Variants in C2orf42 observed in about 807,000 individuals in gnomAD.
The protein encoded by C2orf42 is uncharacterized protein C2orf42.
A neutral mutation model predicts 58.9 loss-of-function variants in C2orf42; 44 were observed. That is an observed-to-expected ratio of 0.75 (90% CI 0.59 to 0.96). C2orf42 has a LOEUF of 0.96. C2orf42 is among the 40% of genes least tolerant of loss of function. The probability of loss-of-function intolerance (pLI) is 0.00; values close to 1 mark genes in which losing one functional copy is unlikely to be tolerated. For synonymous variants in C2orf42, 239 were observed against 265.4 expected (o/e 0.90, Z 0.97); for missense variants, 630 against 699.2 (o/e 0.90, Z 1.12).
In C2orf42 at chr2:70,180,607, CAAAAAAA is replaced by C. The variant is rs59381817; in HGVS notation, c.823+549_823+555del. On this transcript the variant is annotated intron_variant, in intron 3 of 9. Transcript: ENST00000264434. ...TTTGTGATGGAGCAAGATTCTGTCT[CAAAAAAA>C]AAAAAAAAAAAAAAAAATCAAGAGA... Among the ~76,000 whole-genome samples the C allele has an allele frequency of 3.0e-3, 173 of 57,084 alleles. 1 individual carries two copies. Among genetic ancestry groups the C allele is most frequent in the African/African-American group, 0.011 (167 of 14,976 alleles). The allele number at this position is 57,084 out of a possible 152,430, so 37.4% of individuals were successfully genotyped here.
chr2:70,152,138 C>A (rs868760350), intron 9 of C2orf42, among the ~76,000 whole-genome samples: 1 of 152,092 alleles, frequency 6.6e-6, no homozygotes, highest in Non-Finnish European at 1.5e-5. Flanking sequence ...ATAGTCACCC[C>A]TTTTAAATTC....
chr2:70,165,977 G>A (rs13028721), intron 6 of C2orf42, among the ~76,000 whole-genome samples: 32,758 of 151,548 alleles, frequency 0.22, 3,813 homozygotes, highest in Non-Finnish European at 0.24. Flanking sequence ...TGCAACCTCT[G>A]CCTCCCGGGT....
chr2:70,181,083 C>T (rs1408541545), intron 3 of C2orf42, 80 bp downstream of exon 3: 1 of 660,488 alleles, frequency 1.5e-6, no homozygotes, highest in Non-Finnish European at 2.5e-6. Flanking sequence ...GTTGCTAAGA[C>T]AATCTCCAAA....
chr2:70,171,966 T>C (rs1673848409), intron 5 of C2orf42, among the ~76,000 whole-genome samples: 1 of 151,156 alleles, frequency 6.6e-6, no homozygotes, highest in Non-Finnish European at 1.5e-5. Flanking sequence ...CTCACGCCTG[T>C]AATCCCAGCA....
At chr2:70,154,091 AT>A (rs1347186910) in intron 9 of C2orf42, among the ~76,000 whole-genome samples, 1 of 151,632 alleles carries the variant, frequency 6.6e-6, no homozygotes, top group Non-Finnish European at 1.5e-5. Flanking sequence ...AAACACAGAA[AT>A]TTCAGGGAAC....
chr2:70,169,579 T>C lies in C2orf42; in HGVS notation c.1122A>G (p.Gln374=). The change falls in exon 6 of 10, where the codon CAA becomes CAG. Residue 374 remains glutamine (Q), a synonymous_variant. Transcript: ENST00000264434. ...TACCATCAAACTGATAGTGCATGGT[T>C]TGATGGATGCGTTCTGTGACACTGG... ...WLASVTERIH[Q]TMHYQFDGKP... is the part of the protein sequence containing the mutation. The C allele has an allele frequency of 6.3e-7, 1 of 1,596,040 alleles. No homozygotes were observed. Among genetic ancestry groups the C allele is most frequent in the Non-Finnish European group, 8.6e-7 (1 of 1,163,620 alleles).
intron 9 of C2orf42, among the ~76,000 whole-genome samples, chr2:70,157,409 C>A (rs1164793211): frequency 6.6e-6 from 1 of 151,890 alleles, no homozygotes. Context: ...GAGCCGAGAT[C>A]GCACCACTGC....
chr2:70,158,158 T>A, intron 9 of C2orf42, among the ~76,000 whole-genome samples: 1 of 149,706 alleles, frequency 6.7e-6, no homozygotes, highest in African/African-American at 2.5e-5. Context: ...AGGATCGCAC[T>A]GCTGCACTCC....
intron 1 of C2orf42, among the ~76,000 whole-genome samples, chr2:70,187,110 T>A (rs900865671): frequency 3.3e-5 from 5 of 151,008 alleles, no homozygotes; most frequent in Admixed American, 2.6e-4. Flanking sequence ...TAATAATAAT[T>A]AAAAAACAAA....
Position 70,150,223 on chromosome 2 carries a change from C to T in C2orf42, c.*133G>A. On this transcript the variant is annotated 3_prime_UTR_variant, in exon 10 of 10. Transcript: ENST00000264434. The stretch of plus-strand genomic sequence containing the variant: ...CTTCAACAGAATCCACTTGAAAGCA[C>T]TGAGAATTTGCATCTTAGCTAAGAG... 2 of 709,208 alleles carry T rather than the reference C, an allele frequency of 2.8e-6. No homozygotes were observed. Among genetic ancestry groups the T allele is most frequent in the Admixed American group, 4.8e-5 (2 of 41,742 alleles). The allele number at this position is 709,208 out of a possible 1,614,324, so 43.9% of individuals were successfully genotyped here. A position where few individuals can be genotyped will look rare whatever the true frequency, so the allele number is the denominator to read the frequency against.
chr2:70,158,858 C>G (rs1362698800), intron 9 of C2orf42, among the ~76,000 whole-genome samples: 2 of 150,724 alleles, frequency 1.3e-5, no homozygotes, highest in African/African-American at 4.9e-5. Context: ...TCCCAAAGTG[C>G]TGGGATTACA....
At chr2:70,151,181 G>A (rs1299501096) in intron 9 of C2orf42, among the ~76,000 whole-genome samples, 2 of 152,166 alleles carry the variant, frequency 1.3e-5, no homozygotes, top group Non-Finnish European at 2.9e-5. Context: ...GTGAGACCCT[G>A]TCTCTACAAA....
At chr2:70,171,646 G>T (rs996581911) in intron 5 of C2orf42, among the ~76,000 whole-genome samples, 6 of 151,838 alleles carry the variant, frequency 4.0e-5, no homozygotes, top group Non-Finnish European at 8.8e-5. Context: ...GAGTAGCTGG[G>T]ATTTACAGGC....
intron 6 of C2orf42, among the ~76,000 whole-genome samples, 153 bp downstream of exon 6, chr2:70,169,403 TG>T (rs1189591067): frequency 6.6e-6 from 1 of 152,204 alleles, no homozygotes; most frequent in Non-Finnish European, 1.5e-5. Context: ...ACTATGTGAT[TG>T]TTTTTTTCTT....
Position 70,162,570 on chromosome 2 carries a change from G to T in C2orf42, c.1354-1783C>A, listed in dbSNP as rs191478600. Among the ~76,000 whole-genome samples, 355 of 151,802 alleles carry T rather than the reference G, an allele frequency of 2.3e-3. 2 individuals carry two copies. Among genetic ancestry groups the T allele is most frequent in the African/African-American group, 7.9e-3 (329 of 41,456 alleles). ...GAGGTGGGAGAATTGCTTGAACCTG[G>T]GAGGCAGAGGCTGCAGTGAGCCAAG... On this transcript the variant is annotated intron_variant, in intron 8 of 9. Transcript: ENST00000264434.
intron 9 of C2orf42, among the ~76,000 whole-genome samples, chr2:70,159,266 A>G (rs1486398583): frequency 1.3e-5 from 2 of 152,190 alleles, no homozygotes; most frequent in East Asian, 3.9e-4. Context: ...AAGAGAAATT[A>G]TTGTAGACAA....
In C2orf42 at chr2:70,150,532, G is replaced by A; in HGVS notation, c.1549C>T (p.Pro517Ser). 3 of 1,614,022 alleles carry A rather than the reference G, an allele frequency of 1.9e-6. No individual in the cohort carries two copies. The highest frequency in any genetic ancestry group is 1.1e-5 in the South Asian group (1 of 91,078). ...TCTGGGATCCACTCGATGATGAAAG[G>A]TGTTGGCTCCTTTTGATCTGGGGAA... ...NTSPDQKEPT[P>S]FIIEWIPDIL... The change falls in exon 10 of 10, where the codon CCT (proline) becomes TCT (serine). Residue 517 changes from proline (P) to serine (S), a missense_variant. Transcript: ENST00000264434.
chr2:70,182,476 T>C (rs1201564897), intron 2 of C2orf42, 191 bp downstream of exon 2: 1 of 153,874 alleles, frequency 6.5e-6, no homozygotes, highest in African/African-American at 2.4e-5. Context: ...GAAACTGCCT[T>C]TCATACCTAT....
At chr2:70,154,068 C>CAA (rs1306246622) in intron 9 of C2orf42, among the ~76,000 whole-genome samples, 2,890 of 108,912 alleles carry the variant, frequency 0.027, 225 homozygotes, top group Admixed American at 0.17. Context: ...AACAAACAAA[C>CAA]AAACAAAAAA....
Sources: allele counts gnomAD v4.1 joint callset (sites outside exome capture counted in the v4.1 genomes callset), GRCh38; gene constraint gnomAD v4.1.1; transcripts MANE v1.5; gene names NCBI Gene and HGNC (gene_info 2026-07-23, HGNC 2026-07-21).